The following KCNQ1 variants were observed in gnomAD, a reference collection of about 807,000 sequenced individuals.
KCNQ1 encodes the protein potassium voltage-gated channel subfamily Q member 1.
Under a neutral mutation model 72.4 loss-of-function variants are expected in KCNQ1, and 49 were observed. The observed-to-expected ratio is 0.68, with a 90% CI of 0.54 to 0.86. KCNQ1 has a LOEUF of 0.86. Ranked by LOEUF, KCNQ1 falls within the 40% of genes least tolerant of loss-of-function variation. The probability of loss-of-function intolerance (pLI) is 0.00; values close to 1 mark genes in which losing one functional copy is unlikely to be tolerated. For missense variants in KCNQ1, 790 were observed against 945.1 expected (o/e 0.84, Z 2.15); for synonymous variants, 450 against 412.6 (o/e 1.09, Z -1.10).
chr11:2,505,985 A>G (rs1361505004), intron 1 of KCNQ1, among the ~76,000 whole-genome samples: 1 of 152,164 alleles, frequency 6.6e-6, no homozygotes, highest in Non-Finnish European at 1.5e-5. Flanking sequence ...ATAAAATTTA[A>G]TTTGTCCACG....
intron 1 of KCNQ1, chr11:2,521,710 G>A (rs535305214): frequency 2.0e-5 from 7 of 345,318 alleles, no homozygotes; most frequent in African/African-American, 8.6e-5. Context: ...GTTACAAAAC[G>A]CCCCCCATGG....
chr11:2,762,876 C>G lies in KCNQ1; in HGVS notation c.1515-5968C>G, dbSNP rs1846428626. Among the ~76,000 whole-genome samples, 1 of 152,146 alleles carries G rather than the reference C, an allele frequency of 6.6e-6. No homozygotes were observed. The highest frequency in any genetic ancestry group is 2.1e-4 in the South Asian group (1 of 4,822). Reference sequence around the variant, plus strand: ...CCTGGTGCCAAAAAGGTTGGGGAACCACTGCCCTATTCCGTCAGACCCCCA... The same window carrying G: ...CCTGGTGCCAAAAAGGTTGGGGAACGACTGCCCTATTCCGTCAGACCCCCA... On this transcript the variant is annotated intron_variant, in intron 11 of 15. Coordinates refer to ENST00000155840, the MANE Select transcript of KCNQ1 (RefSeq NM_000218.3). The surrounding 1 kb of genome is among the most constrained non-coding windows in gnomAD (Gnocchi z 4.3).
At position 2,653,784 on chromosome 11, in the gene KCNQ1, T is replaced by C; in HGVS notation, c.1394-8177T>C. 2 of 398,654 alleles carry C rather than the reference T, an allele frequency of 5.0e-6. No individual in the cohort carries two copies. Among genetic ancestry groups the C allele is most frequent in the Non-Finnish European group, 8.8e-6 (2 of 226,086 alleles). The allele number at this position is 398,654 out of a possible 1,614,324, so 24.7% of individuals were successfully genotyped here. A position where few individuals can be genotyped will look rare whatever the true frequency, so the allele number is the denominator to read the frequency against. The stretch of plus-strand genomic sequence containing the variant: ...CTGGGGTACAAGCCATCCTTGGACC[T>C]GCAGCTGTACCTCCGATGGCTGAGG... On this transcript the variant is annotated intron_variant, in intron 10 of 15. Coordinates refer to ENST00000155840, the MANE Select transcript of KCNQ1 (RefSeq NM_000218.3). The surrounding 1 kb of genome is among the most constrained non-coding windows in gnomAD (Gnocchi z 5.3).
rs957965335 is a variant in KCNQ1 at position 2,479,072 on chromosome 11, TG to T, written c.386+33591del. On this transcript the variant is annotated intron_variant, in intron 1 of 15. Coordinates refer to ENST00000155840, the MANE Select transcript of KCNQ1 (RefSeq NM_000218.3). This position sits in a 1 kb window ranked among gnomAD's most constrained non-coding sequence, Gnocchi z 4.6. ...ATCTAGGTCATGCTGATGCAAGAGG[TG>T]GGTTCCCATAGTCTTGAGCAGCTCT... Among the ~76,000 whole-genome samples the T allele has an allele frequency of 2.6e-5, 4 of 152,166 alleles. No homozygotes were observed. The highest frequency in any genetic ancestry group is 9.7e-5 in the African/African-American group (4 of 41,422).
intron 1 of KCNQ1, among the ~76,000 whole-genome samples, chr11:2,503,014 C>T (rs1847042172): frequency 6.6e-6 from 1 of 152,134 alleles, no homozygotes; most frequent in Non-Finnish European, 1.5e-5. Context: ...CCCTATCTCT[C>T]ACCATATAAA....
Position 2,493,160 on chromosome 11 carries a change from T to C in KCNQ1, c.387-34768T>C, listed in dbSNP as rs1846861891. ...TTCTTGGCCACATAAATGTCTTCTT[T>C]TGAGAAGTATCTGTTCGTATCCTTT... On this transcript the variant is annotated intron_variant, in intron 1 of 15. Transcript: ENST00000155840. This position sits in a 1 kb window ranked among gnomAD's most constrained non-coding sequence, Gnocchi z 5.3. Among the ~76,000 whole-genome samples, 2 of 152,244 alleles carry C rather than the reference T, an allele frequency of 1.3e-5. No homozygotes were observed. Among genetic ancestry groups the C allele is most frequent in the Non-Finnish European group, 2.9e-5 (2 of 68,042 alleles).
At chr11:2,530,104 TGTG>T (rs2133654353) in intron 2 of KCNQ1, among the ~76,000 whole-genome samples, 1 of 152,270 alleles carries the variant, frequency 6.6e-6, no homozygotes, top group South Asian at 2.1e-4. Context: ...TGTGTCATCT[TGTG>T]GTGCCATCTT....
intron 10 of KCNQ1, chr11:2,625,046 G>A (rs977037141): frequency 2.5e-6 from 1 of 398,462 alleles, no homozygotes; most frequent in Admixed American, 4.4e-5. Flanking sequence ...TACAATCGTG[G>A]GTATACAAAT....
At position 2,559,858 on chromosome 11, in the gene KCNQ1, T is replaced by C. The variant is rs1183381901; in HGVS notation, c.478-10770T>C. 6.6e-6 allele frequency among the ~76,000 whole-genome samples: 1 copy of C among 151,754 alleles called. No homozygotes were observed. Among genetic ancestry groups the C allele is most frequent in the East Asian group, 2.0e-4 (1 of 5,092 alleles). On this transcript the variant is annotated intron_variant, in intron 2 of 15. Coordinates refer to ENST00000155840, the MANE Select transcript of KCNQ1 (RefSeq NM_000218.3). This position sits in a 1 kb window ranked among gnomAD's most constrained non-coding sequence, Gnocchi z 4.9. The stretch of plus-strand genomic sequence containing the variant: ...GCAGGGGCTCCTTCCTCCCTCTCTG[T>C]CTCTGGGGTCCCATGGGAAGTCAGG...
At position 2,486,854 on chromosome 11, in the gene KCNQ1, G is replaced by T. The variant is rs1846747177; in HGVS notation, c.387-41074G>T. ...CTATGACCCAAACAGCACCCACCAG[G>T]CCCCACCTCCAACGCTGGGGATCAC... is the stretch of plus-strand genomic sequence containing the variant. On this transcript the variant is annotated intron_variant, in intron 1 of 15. Transcript: ENST00000155840. This position sits in a 1 kb window ranked among gnomAD's most constrained non-coding sequence, Gnocchi z 5.0. Among the ~76,000 whole-genome samples, 2 of 152,078 alleles carry T rather than the reference G, an allele frequency of 1.3e-5. No individual in the cohort carries two copies. Among genetic ancestry groups the T allele is most frequent in the South Asian group, 4.2e-4 (2 of 4,814 alleles).
At position 2,670,541 on chromosome 11, in the gene KCNQ1, G is replaced by T; in HGVS notation, c.1514+8460G>T. 2 of 397,964 alleles carry T rather than the reference G, an allele frequency of 5.0e-6. No homozygotes were observed. The highest frequency in any genetic ancestry group is 8.9e-6 in the Non-Finnish European group (2 of 225,962). The allele number at this position is 397,964 out of a possible 1,614,324, so 24.7% of individuals were successfully genotyped here. A position where few individuals can be genotyped will look rare whatever the true frequency, so the allele number is the denominator to read the frequency against. ...AAGGGGAAATTGAAGCCTCAAGAAGGATAGGGACTTGCCAGTATCACTGGG... is the reference window on the plus strand; with the variant it reads ...AAGGGGAAATTGAAGCCTCAAGAAGTATAGGGACTTGCCAGTATCACTGGG... On this transcript the variant is annotated intron_variant, in intron 11 of 15. Coordinates refer to ENST00000155840, the MANE Select transcript of KCNQ1 (RefSeq NM_000218.3). The surrounding 1 kb of genome is among the most constrained non-coding windows in gnomAD (Gnocchi z 4.9).
rs1369000794 is a variant in KCNQ1 at position 2,516,203 on chromosome 11, G to A, written c.387-11725G>A. 6.6e-6 allele frequency among the ~76,000 whole-genome samples: 1 copy of A among 152,072 alleles called. No homozygotes were observed. Among genetic ancestry groups the A allele is most frequent in the Non-Finnish European group, 1.5e-5 (1 of 68,030 alleles). On this transcript the variant is annotated intron_variant, in intron 1 of 15. Coordinates refer to ENST00000155840, the MANE Select transcript of KCNQ1 (RefSeq NM_000218.3). This position sits in a 1 kb window ranked among gnomAD's most constrained non-coding sequence, Gnocchi z 7.0. ...GGAGTCCAGTTCTCGCCAACCGCTCGATGCTGTGTGACTTGAGGCAGGTCC... is the reference window on the plus strand; with the variant it reads ...GGAGTCCAGTTCTCGCCAACCGCTCAATGCTGTGTGACTTGAGGCAGGTCC...
chr11:2,845,248 T>C (rs1590127894), intron 15 of KCNQ1, among the ~76,000 whole-genome samples: 2 of 144,100 alleles, frequency 1.4e-5, no homozygotes, highest in South Asian at 2.5e-4. Flanking sequence ...GCTCCCTACC[T>C]GACACACTGT....
At position 2,609,686 on chromosome 11, in the gene KCNQ1, T is replaced by C. The variant is rs1848946178; in HGVS notation, c.1393+20832T>C. ...GTTCAGTTCTGTCAGTTTTTGCTTC[T>C]TATGTTTTAGTTCTCTATTGTTAGG... On this transcript the variant is annotated intron_variant, in intron 10 of 15. Transcript: ENST00000155840. The C allele has an allele frequency of 1.3e-5, 5 of 398,406 alleles. No homozygotes were observed. The East Asian group carries it at 1.8e-4, about 14-fold the overall frequency. 24.7% of individuals were successfully genotyped at this position (398,406 alleles called of 1,614,324 possible).
intron 15 of KCNQ1, among the ~76,000 whole-genome samples, chr11:2,792,600 C>G (rs982154454): frequency 6.6e-6 from 1 of 152,182 alleles, no homozygotes; most frequent in African/African-American, 2.4e-5. Flanking sequence ...CTATGGATAT[C>G]TAGAGGAAGA....
Position 2,715,037 on chromosome 11 carries a change from G to A in KCNQ1, c.1514+52956G>A, listed in dbSNP as rs1371874135. 1.3e-5 allele frequency among the ~76,000 whole-genome samples: 2 copies of A among 152,132 alleles called. No homozygotes were observed. On this transcript the variant is annotated intron_variant, in intron 11 of 15. Transcript: ENST00000155840. This position sits in a 1 kb window ranked among gnomAD's most constrained non-coding sequence, Gnocchi z 4.9. ...GGGTGCAGCTGGGCAGATTGCCGGT[G>A]GTTGGTGCTGGTGAGGAGTAGCAGG...
Position 2,673,473 on chromosome 11 carries a change from G to T in KCNQ1, c.1514+11392G>T, listed in dbSNP as rs954288790. 1.3e-5 allele frequency: 5 copies of T among 398,522 alleles called. No homozygotes were observed. The highest frequency in any genetic ancestry group is 6.2e-5 in the African/African-American group (3 of 48,610). 24.7% of individuals were successfully genotyped at this position (398,522 alleles called of 1,614,324 possible). A position where few individuals can be genotyped will look rare whatever the true frequency, so the allele number is the denominator to read the frequency against. ...CTCCTTGAGCCGGAACACCTGAAAA[G>T]CCATACAGACTCCTGCTCATCACAA... On this transcript the variant is annotated intron_variant, in intron 11 of 15. Coordinates refer to ENST00000155840, the MANE Select transcript of KCNQ1 (RefSeq NM_000218.3). The surrounding 1 kb of genome is among the most constrained non-coding windows in gnomAD (Gnocchi z 4.5).
intron 11 of KCNQ1, among the ~76,000 whole-genome samples, chr11:2,732,976 C>T (rs1368692296): frequency 6.6e-6 from 1 of 152,174 alleles, no homozygotes; most frequent in Admixed American, 6.5e-5. Flanking sequence ...TGACCACCCA[C>T]AGGCAGCAAG....
intron 2 of KCNQ1, among the ~76,000 whole-genome samples, chr11:2,531,775 T>C (rs908431158): frequency 4.9e-4 from 74 of 152,312 alleles, no homozygotes; most frequent in African/African-American, 1.7e-3. Flanking sequence ...CCGCCTCCCT[T>C]GTCCCTTTAT....
Sources: allele counts gnomAD v4.1 joint callset (sites outside exome capture counted in the v4.1 genomes callset), GRCh38; gene constraint gnomAD v4.1.1; non-coding constraint Gnocchi (gnomAD v3.1); transcripts MANE v1.5; gene names NCBI Gene and HGNC (gene_info 2026-07-23, HGNC 2026-07-21).